Variants in SARS1 observed in about 807,000 individuals in gnomAD.
The protein encoded by SARS1 is seryl-tRNA synthetase 1.
A neutral mutation model predicts 63.7 loss-of-function variants in SARS1; 25 were observed. The ratio of observed to expected loss-of-function variants is 0.39; its 90% CI spans 0.29 to 0.55. The LOEUF (loss-of-function observed/expected upper bound fraction) is 0.55. SARS1 is among the 20% of genes least tolerant of loss of function. The pLI, the probability that SARS1 is intolerant of heterozygous loss-of-function variation, is 0.62. For missense variants in SARS1, 417 were observed against 649.7 expected (o/e 0.64, Z 3.89); for synonymous variants, 231 against 243.5 (o/e 0.95, Z 0.48).
chr1:109,216,596 T>C, intron 1 of SARS1: 1 of 985,066 alleles, frequency 1.0e-6, no homozygotes, highest in Non-Finnish European at 1.2e-6. Context: ...AGTGGTTTTT[T>C]TTTTCTTTTT....
intron 2 of SARS1, among the ~76,000 whole-genome samples, chr1:109,226,304 C>A (rs1655067874): frequency 6.6e-6 from 1 of 151,188 alleles, no homozygotes; most frequent in South Asian, 2.1e-4. Flanking sequence ...GTGTAATGAA[C>A]CTAAAGGATT....
intron 4 of SARS1, among the ~76,000 whole-genome samples, chr1:109,229,949 C>T (rs537643824): frequency 6.6e-6 from 1 of 152,170 alleles, no homozygotes; most frequent in Non-Finnish European, 1.5e-5. Context: ...TCCTGCTGAG[C>T]GGGAGCTTCC....
intron 1 of SARS1, among the ~76,000 whole-genome samples, chr1:109,219,664 C>T (rs1358029619): frequency 6.6e-6 from 1 of 151,922 alleles, no homozygotes; most frequent in Non-Finnish European, 1.5e-5. Flanking sequence ...AGGCACCCAC[C>T]ACCATGCCTG....
At chr1:109,220,990 T>G (rs1654913329) in intron 1 of SARS1, among the ~76,000 whole-genome samples, 1 of 151,928 alleles carries the variant, frequency 6.6e-6, no homozygotes, top group South Asian at 2.1e-4. Flanking sequence ...AAACTGAGAA[T>G]AGAAGGGAGC....
chr1:109,221,937 A>C, intron 1 of SARS1, among the ~76,000 whole-genome samples: 1 of 128,436 alleles, frequency 7.8e-6, no homozygotes, highest in South Asian at 2.7e-4. Flanking sequence ...ACAGGCACAC[A>C]CCACCATGCT....
chr1:109,229,959 C>T (rs995442536), intron 4 of SARS1, among the ~76,000 whole-genome samples: 1 of 152,140 alleles, frequency 6.6e-6, no homozygotes, highest in African/African-American at 2.4e-5. Flanking sequence ...CGGGAGCTTC[C>T]CCTGCACAAA....
Position 109,231,036 on chromosome 1 carries a change from C to G in SARS1, c.591+15C>G. ...ACTTCTTGAAGGTAAGAGCTGGGAA[C>G]CAGTGAGGATAGGATTATGAAAAAG... On this transcript the variant is annotated intron_variant, in intron 5 of 10. Transcript: ENST00000234677. The G allele has an allele frequency of 6.9e-7, 1 of 1,444,694 alleles. No individual in the cohort carries two copies. The highest frequency in any genetic ancestry group is 9.1e-7 in the Non-Finnish European group (1 of 1,099,270). 89.5% of individuals were successfully genotyped at this position (1,444,694 alleles called of 1,614,324 possible). A position where few individuals can be genotyped will look rare whatever the true frequency, so the allele number is the denominator to read the frequency against.
chr1:109,215,887 G>C (rs1654774228), intron 1 of SARS1: 2 of 371,472 alleles, frequency 5.4e-6, no homozygotes, highest in African/African-American at 4.4e-5. Context: ...TTTTTTAGTT[G>C]AGATGGGAGT....
chr1:109,231,078 T>C, intron 5 of SARS1, 57 bp downstream of exon 5: 1 of 956,766 alleles, frequency 1.0e-6, no homozygotes, highest in Non-Finnish European at 1.3e-6. Flanking sequence ...AATATATATA[T>C]ATATATTTTT....
chr1:109,215,319 G>T, intron 1 of SARS1: 1 of 985,416 alleles, frequency 1.0e-6, no homozygotes, highest in Non-Finnish European at 1.2e-6. Context: ...TCTGAAGTCA[G>T]GAGTATCAGA....
At chr1:109,217,285 C>T (rs2101180916) in intron 1 of SARS1, 1 of 318,336 alleles carries the variant, frequency 3.1e-6, no homozygotes, top group East Asian at 1.7e-4. Context: ...GCCAAGCCTA[C>T]CTTAAATGTG....
At chr1:109,222,099 A>G (rs1654963938) in intron 1 of SARS1, among the ~76,000 whole-genome samples, 1 of 133,464 alleles carries the variant, frequency 7.5e-6, no homozygotes, top group Admixed American at 8.5e-5. Flanking sequence ...CCTGGGCTCA[A>G]GCGACCCACC....
intron 1 of SARS1, among the ~76,000 whole-genome samples, chr1:109,219,123 G>A (rs1411278217): frequency 4.0e-5 from 6 of 150,806 alleles, no homozygotes; most frequent in African/African-American, 1.2e-4. Context: ...AAAATTAGCC[G>A]GGTGTGGTGG....
chr1:109,215,426 T>C (rs1473929704), intron 1 of SARS1: 1 of 985,332 alleles, frequency 1.0e-6, no homozygotes, highest in Non-Finnish European at 1.2e-6. Flanking sequence ...GATTTGTCCC[T>C]TATCTGAAAA....
rs1324033221 is a variant in SARS1, at chr1:109,236,392, T to G, written c.1101T>G (p.Gly367=). Reference sequence around the variant, plus strand: ...AATTCTAGGGGTTTTTCCTTACAGGTTCTTTGAATCATGCTGCCAGTAAGA... The same window carrying G: ...AATTCTAGGGGTTTTTCCTTACAGGGTCTTTGAATCATGCTGCCAGTAAGA... The part of the protein sequence containing the change: ...IPYHIVNIVS[G]SLNHAASKKL... Residue 367 remains glycine, a splice_region_variant and synonymous_variant, in exon 9 of 11, where the codon GGT becomes GGG. Transcript: ENST00000234677. 6.3e-7 allele frequency: 1 copy of G among 1,590,376 alleles called. No individual in the cohort carries two copies. The highest frequency in any genetic ancestry group is 8.6e-7 in the Non-Finnish European group (1 of 1,161,508).
intron 4 of SARS1, among the ~76,000 whole-genome samples, chr1:109,229,998 G>A (rs779094246): frequency 2.0e-5 from 3 of 152,082 alleles, no homozygotes; most frequent in Non-Finnish European, 4.4e-5. Context: ...TTTGTTCCCC[G>A]ACACCCCAGC....
At chr1:109,230,804 C>CG in intron 4 of SARS1, 74 bp from the exon 5 acceptor site, 1 of 1,366,322 alleles carries the variant, frequency 7.3e-7, no homozygotes, top group South Asian at 1.4e-5. Flanking sequence ...GACCCTGTCT[C>CG]CAAAAAAAAA....
chr1:109,236,479 T>C lies in SARS1; in HGVS notation c.1188T>C (p.Ser396=). The change falls in exon 9 of 11, where the codon TCT becomes TCC. Residue 396 remains serine (S), a synonymous_variant. Transcript: ENST00000234677. The part of the protein sequence containing the change: ...SGAFRELVSC[S]NCTDYQARRL... ...CCTTCCGTGAGTTGGTCTCCTGTTC[T>C]AATTGCACGGATTACCAGGCTCGCC... is the stretch of plus-strand genomic sequence containing the variant. 1 of 1,607,520 alleles carries C rather than the reference T, an allele frequency of 6.2e-7. No homozygotes were observed. The highest frequency in any genetic ancestry group is 8.5e-7 in the Non-Finnish European group (1 of 1,174,430).
chr1:109,235,473 C>A lies in SARS1; in HGVS notation c.969+42C>A. The A allele has an allele frequency of 6.7e-7, 1 of 1,497,468 alleles. No individual in the cohort carries two copies. Among genetic ancestry groups the A allele is most frequent in the South Asian group, 1.1e-5 (1 of 87,550 alleles). 92.8% of individuals were successfully genotyped at this position (1,497,468 alleles called of 1,614,324 possible). On this transcript the variant is annotated intron_variant, in intron 7 of 10. Transcript: ENST00000234677. The surrounding 1 kb of genome is among the most constrained non-coding windows in gnomAD (Gnocchi z 4.7). ...GGGTAAGGAGTGGAACTTTCTCTGT[C>A]TCCAGAATGGTTAGATGAGAGATAG...
Sources: allele counts gnomAD v4.1 joint callset (sites outside exome capture counted in the v4.1 genomes callset), GRCh38; gene constraint gnomAD v4.1.1; non-coding constraint Gnocchi (gnomAD v3.1); transcripts MANE v1.5; gene names NCBI Gene and HGNC (gene_info 2026-07-23, HGNC 2026-07-21).